Variants in TENM2 observed in about 807,000 individuals in gnomAD.
TENM2 encodes the protein teneurin-2.
TENM2 carries 52 observed loss-of-function variants against 245.2 expected under a neutral mutation model. That is an observed-to-expected ratio of 0.21 (90% confidence interval 0.17 to 0.27). TENM2 has a LOEUF of 0.27. Among genes scored for constraint, TENM2 ranks in the 10% least tolerant of loss-of-function variants. TENM2 has a pLI of 1.00. For synonymous variants in TENM2, 1,363 were observed against 1,438.9 expected (o/e 0.95, Z 1.19); for missense variants, 3,046 against 3,666.8 (o/e 0.83, Z 4.37).
chr5:167,288,370 T>A (rs542174630), intron 1 of TENM2, among the ~76,000 whole-genome samples: 1 of 152,124 alleles, frequency 6.6e-6, no homozygotes, highest in African/African-American at 2.4e-5. Context: ...CCATCCTGGC[T>A]AACACGGTGA....
intron 2 of TENM2, among the ~76,000 whole-genome samples, chr5:167,615,073 A>C (rs546285924): frequency 2.0e-5 from 3 of 152,164 alleles, no homozygotes; most frequent in Non-Finnish European, 2.9e-5. Flanking sequence ...TGAGAACTGC[A>C]TGGAGCTCCT....
At chr5:167,183,261 C>T in the TENM2 span, among the ~76,000 whole-genome samples, 2 of 152,130 alleles carry the variant, frequency 1.3e-5, no homozygotes, top group South Asian at 4.1e-4. Context: ...CCTGACTCCA[C>T]CACTTACTTG....
intron 1 of TENM2, among the ~76,000 whole-genome samples, chr5:167,373,130 A>G (rs1162711108): frequency 6.6e-6 from 1 of 152,234 alleles, no homozygotes; most frequent in African/African-American, 2.4e-5. Context: ...TTCATTCTGA[A>G]GAGACAATTA....
chr5:167,961,388 T>C (rs1781002174), intron 4 of TENM2, among the ~76,000 whole-genome samples: 1 of 152,290 alleles, frequency 6.6e-6, no homozygotes, highest in South Asian at 2.1e-4. Context: ...TTTCTGTCTT[T>C]TTCCTCTCCA....
intron 2 of TENM2, among the ~76,000 whole-genome samples, chr5:167,584,372 T>C (rs1775327842): frequency 6.6e-6 from 1 of 152,208 alleles, no homozygotes; most frequent in South Asian, 2.1e-4. Flanking sequence ...ACAACCAGTC[T>C]GATTGGTTGG....
At chr5:168,186,591 G>A (rs1760457084) in intron 13 of TENM2, 1 of 152,144 alleles carries the variant, frequency 6.6e-6, no homozygotes, top group African/African-American at 2.4e-5. Context: ...CGCTGAGTCA[G>A]TATTGGGCCC....
the TENM2 span, among the ~76,000 whole-genome samples, chr5:167,256,008 C>T: frequency 6.6e-6 from 1 of 152,084 alleles, no homozygotes; most frequent in Admixed American, 6.6e-5. Context: ...TCTTGGGAAG[C>T]TTGATGAGGC....
chr5:167,517,886 G>C (rs377651875), intron 2 of TENM2, among the ~76,000 whole-genome samples: 1 of 151,840 alleles, frequency 6.6e-6, no homozygotes, highest in Non-Finnish European at 1.5e-5. Flanking sequence ...GATCTTCCCC[G>C]TTCAAAAGCA....
chr5:167,074,468 C>A, the TENM2 span, among the ~76,000 whole-genome samples: 1 of 152,086 alleles, frequency 6.6e-6, no homozygotes, highest in Non-Finnish European at 1.5e-5. Flanking sequence ...TTGAAACAGT[C>A]ACTTTAGAAA....
intron 9 of TENM2, among the ~76,000 whole-genome samples, chr5:168,105,716 C>G (rs1238568318): frequency 1.3e-5 from 2 of 152,104 alleles, no homozygotes; most frequent in African/African-American, 4.8e-5. Flanking sequence ...AATGGCATTT[C>G]TTTCCTGGCA....
At chr5:167,894,939 AAG>A in intron 3 of TENM2, among the ~76,000 whole-genome samples, 1 of 105,192 alleles carries the variant, frequency 9.5e-6, no homozygotes, top group Admixed American at 9.0e-5. Flanking sequence ...GGAAGGAAGG[AAG>A]GAAGGAAGGA....
intron 15 of TENM2, among the ~76,000 whole-genome samples, chr5:168,198,405 A>G (rs990285576): frequency 2.6e-5 from 4 of 152,064 alleles, no homozygotes; most frequent in African/African-American, 9.7e-5. Flanking sequence ...CATATTGGCC[A>G]GGCTGGTCTT....
intron 13 of TENM2, among the ~76,000 whole-genome samples, chr5:168,177,983 C>T (rs1011296915): frequency 1.3e-5 from 2 of 152,230 alleles, no homozygotes; most frequent in African/African-American, 4.8e-5. Flanking sequence ...ACAGGAAGCT[C>T]GTAGAATAGC....
intron 7 of TENM2, among the ~76,000 whole-genome samples, chr5:168,066,870 T>G (rs1045315328): frequency 6.6e-6 from 1 of 152,172 alleles, no homozygotes. Flanking sequence ...AAAAGAATAA[T>G]CTGACCTGGC....
chr5:167,063,415 A>G, the TENM2 span, among the ~76,000 whole-genome samples: 2 of 152,212 alleles, frequency 1.3e-5, no homozygotes, highest in East Asian at 3.8e-4. Flanking sequence ...AAAATTCCTG[A>G]GCCTTACCCT....
intron 2 of TENM2, among the ~76,000 whole-genome samples, chr5:167,797,089 T>C (rs1765379238): frequency 6.6e-6 from 1 of 152,186 alleles, no homozygotes; most frequent in Admixed American, 6.5e-5. Context: ...GTGGAATCTC[T>C]GCTTGTTAGT....
At chr5:167,909,587 T>G (rs1776386525) in intron 3 of TENM2, among the ~76,000 whole-genome samples, 2 of 152,226 alleles carry the variant, frequency 1.3e-5, no homozygotes, top group South Asian at 4.1e-4. Context: ...TTTTACAGCC[T>G]TAAGATCTAA....
chr5:167,440,022 C>G (rs1764790604), intron 2 of TENM2, among the ~76,000 whole-genome samples: 1 of 152,006 alleles, frequency 6.6e-6, no homozygotes, highest in Non-Finnish European at 1.5e-5. Context: ...ACATGGTAGC[C>G]CTAACCTTTC....
At chr5:167,635,073 G>A (rs756534421) in intron 2 of TENM2, among the ~76,000 whole-genome samples, 40 of 152,164 alleles carry the variant, frequency 2.6e-4, no homozygotes, top group Non-Finnish European at 5.7e-4. Context: ...GTTCTCAAAT[G>A]TGGTGCAGGA....
Sources: allele counts gnomAD v4.1 joint callset (sites outside exome capture counted in the v4.1 genomes callset), GRCh38; gene constraint gnomAD v4.1.1; transcripts MANE v1.5; gene names NCBI Gene and HGNC (gene_info 2026-07-23, HGNC 2026-07-21).